The following MAK variants were observed in gnomAD, a reference collection of about 807,000 sequenced individuals.
MAK encodes male germ cell associated kinase, also known as serine/threonine-protein kinase MAK.
MAK carries 65 observed loss-of-function variants against 82.6 expected under a neutral mutation model. That is an observed-to-expected ratio of 0.79 (90% confidence interval 0.64 to 0.97). The LOEUF (loss-of-function observed/expected upper bound fraction) is 0.97, where lower values mean the gene tolerates loss of function less well. Among genes scored for constraint, MAK ranks in the 50% least tolerant of loss-of-function variants. The pLI is 0.00. For missense variants in MAK, 703 were observed against 780.2 expected, an observed-to-expected ratio of 0.90 and a Z score of 1.18; for synonymous variants, 250 against 274.2, an observed-to-expected ratio of 0.91 and a Z score of 0.87.
At chr6:10,787,652 A>C (rs1193033004) in intron 10 of MAK, among the ~76,000 whole-genome samples, 1 of 151,982 alleles carries the variant, frequency 6.6e-6, no homozygotes, top group Non-Finnish European at 1.5e-5. Context: ...AGGTCGGGAG[A>C]TCGAGACCAT....
intron 10 of MAK, among the ~76,000 whole-genome samples, chr6:10,787,190 C>A (rs1410503877): frequency 6.6e-6 from 1 of 152,088 alleles, no homozygotes; most frequent in Non-Finnish European, 1.5e-5. Flanking sequence ...CGCTAATTCA[C>A]CAGTTCACCT....
chr6:10,827,543 T>C (rs1318681284), intron 2 of MAK, among the ~76,000 whole-genome samples: 1 of 152,250 alleles, frequency 6.6e-6, no homozygotes, highest in Non-Finnish European at 1.5e-5. Context: ...TCAAACAATT[T>C]GTACTGATAT....
At position 10,765,742 on chromosome 6, in the gene MAK, T is replaced by C. The variant is rs558649567; in HGVS notation, c.1793-1136A>G. Among the ~76,000 whole-genome samples the C allele has an allele frequency of 2.0e-4, 30 of 152,078 alleles. No individual in the cohort carries two copies. In the South Asian group the frequency reaches 6.0e-3, roughly 31 times the overall value. On this transcript the variant is annotated intron_variant, in intron 14 of 14. Coordinates refer to ENST00000354489, the MANE Select transcript of MAK (RefSeq NM_001242957.3). Reference sequence around the variant, plus strand: ...TGCCAATGATCCACCCACCTCAGCCTCCCAAAGTGCTAGGATTACAGGTGT... The same window carrying C: ...TGCCAATGATCCACCCACCTCAGCCCCCCAAAGTGCTAGGATTACAGGTGT...
chr6:10,785,734 TAGAC>T (rs1346837224), intron 10 of MAK, among the ~76,000 whole-genome samples: 1 of 152,214 alleles, frequency 6.6e-6, no homozygotes, highest in African/African-American at 2.4e-5. Context: ...TCTCTGCCCA[TAGAC>T]AGAACTCCCA....
intron 4 of MAK, among the ~76,000 whole-genome samples, chr6:10,815,921 T>C (rs1269357009): frequency 2.3e-4 from 7 of 30,706 alleles, no homozygotes; most frequent in South Asian, 1.2e-3. Flanking sequence ...AGTATATATA[T>C]ATATATATAT....
intron 8 of MAK, 44 bp from the exon 9 acceptor site, chr6:10,796,353 C>A: frequency 2.0e-6 from 3 of 1,489,528 alleles, no homozygotes; most frequent in Non-Finnish European, 1.9e-6. Flanking sequence ...ACAGTTCCAC[C>A]TAAATGTATT....
At chr6:10,780,864 T>C (rs150682708) in intron 11 of MAK, among the ~76,000 whole-genome samples, 1 of 152,336 alleles carries the variant, frequency 6.6e-6, no homozygotes, top group Non-Finnish European at 1.5e-5. Context: ...TAAAACTCTC[T>C]CAGAATTTCT....
intron 8 of MAK, among the ~76,000 whole-genome samples, chr6:10,801,376 T>G (rs548504344): frequency 3.3e-5 from 5 of 152,352 alleles, no homozygotes; most frequent in South Asian, 4.1e-4. Context: ...TCTGTAGATA[T>G]GTCAGGTGTA....
In MAK at chr6:10,798,307, G is replaced by T. The variant is rs555405312; in HGVS notation, c.832-1998C>A. ...TTTTTGTATTTTTAATAGAGACAGG[G>T]TTTCACCATGTTGGTCAGGCCGGTC... On this transcript the variant is annotated intron_variant, in intron 8 of 14. Transcript: ENST00000354489. 4.6e-5 allele frequency among the ~76,000 whole-genome samples: 7 copies of T among 151,918 alleles called. No homozygotes were observed. In the South Asian group the frequency reaches 1.5e-3, roughly 32 times the overall value.
At chr6:10,820,259 A>G (rs1777837310) in intron 2 of MAK, among the ~76,000 whole-genome samples, 1 of 152,232 alleles carries the variant, frequency 6.6e-6, no homozygotes, top group South Asian at 2.1e-4. Context: ...GAGATGTTCC[A>G]GAAGATCCTT....
chr6:10,784,654 T>TGCACATCTCGCCCACCCTCA, intron 10 of MAK, 82 bp from the exon 11 acceptor site: 1 of 1,259,820 alleles, frequency 7.9e-7, no homozygotes, highest in Non-Finnish European at 1.2e-6. Flanking sequence ...GCCCACCCTC[T>TGCACATCTCGCCCACCCTCA]GCACATCTTC....
rs1391843172 is a variant in MAK at position 10,776,230 on chromosome 6, T to G, written c.1466-771A>C. On this transcript the variant is annotated intron_variant, in intron 11 of 14. Coordinates refer to ENST00000354489, the MANE Select transcript of MAK (RefSeq NM_001242957.3). This position sits in a 1 kb window ranked among gnomAD's most constrained non-coding sequence, Gnocchi z 4.3. ...ATGAAGCTCCACCTGAAACGCTTATTTGTATATGAGATACAGTAAAATGGA... is the reference window on the plus strand; with the variant it reads ...ATGAAGCTCCACCTGAAACGCTTATGTGTATATGAGATACAGTAAAATGGA... Among the ~76,000 whole-genome samples, 1 of 152,202 alleles carries G rather than the reference T, an allele frequency of 6.6e-6. No homozygotes were observed. The highest frequency in any genetic ancestry group is 1.9e-4 in the East Asian group (1 of 5,200).
intron 2 of MAK, among the ~76,000 whole-genome samples, chr6:10,826,244 A>ACC (rs1441627215): frequency 1.3e-5 from 1 of 78,280 alleles, no homozygotes; most frequent in African/African-American, 4.8e-5. Context: ...ATTTCCCCCC[A>ACC]CCCCCCCTTT....
chr6:10,813,006 C>T (rs7760419), intron 5 of MAK, among the ~76,000 whole-genome samples: 21,791 of 122,540 alleles, frequency 0.18, 1,768 homozygotes, highest in Middle Eastern at 0.23. Context: ...CTAAGGTGAT[C>T]CCCCCCCCCG....
intron 2 of MAK, among the ~76,000 whole-genome samples, chr6:10,819,359 C>T (rs1777749439): frequency 1.3e-5 from 2 of 152,144 alleles, no homozygotes; most frequent in South Asian, 4.1e-4. Flanking sequence ...TGGCCGGGAA[C>T]GGTGGCTCAC....
rs1772103134 is a variant in MAK, at chr6:10,763,197, GC to G, written c.*1254del. The G allele has an allele frequency of 6.6e-6, 1 of 152,648 alleles. No homozygotes were observed. The highest frequency in any genetic ancestry group is 1.5e-5 in the Non-Finnish European group (1 of 68,042). The allele number at this position is 152,648 out of a possible 1,614,324, so 9.5% of individuals were successfully genotyped here. On this transcript the variant is annotated 3_prime_UTR_variant, in exon 15 of 15. Coordinates refer to ENST00000354489, the MANE Select transcript of MAK (RefSeq NM_001242957.3). ...ACTGCCCCAGCAGCTGAACGCACTT[GC>G]TTCAGAGCAAATGTGAAGGTCAGAG...
intron 7 of MAK, 196 bp from the exon 8 acceptor site, chr6:10,802,255 T>C (rs1776073673): frequency 1.8e-6 from 1 of 552,590 alleles, no homozygotes; most frequent in East Asian, 3.0e-5. Flanking sequence ...AACATTAAGC[T>C]GAGAGTTAGG....
intron 2 of MAK, 131 bp from the exon 3 acceptor site, chr6:10,819,071 A>C (rs529493064): frequency 1.5e-6 from 1 of 679,532 alleles, no homozygotes; most frequent in Non-Finnish European, 2.7e-6. Context: ...CATCCTTATA[A>C]GGAAATCACC....
At chr6:10,808,639 TC>T (rs1294953703) in intron 6 of MAK, among the ~76,000 whole-genome samples, 170 bp downstream of exon 6, 1 of 152,218 alleles carries the variant, frequency 6.6e-6, no homozygotes, top group East Asian at 1.9e-4. Flanking sequence ...CCTTTTTTTT[TC>T]AGTGATCAGA....
Sources: allele counts gnomAD v4.1 joint callset (sites outside exome capture counted in the v4.1 genomes callset), GRCh38; gene constraint gnomAD v4.1.1; non-coding constraint Gnocchi (gnomAD v3.1); transcripts MANE v1.5; gene names NCBI Gene and HGNC (gene_info 2026-07-23, HGNC 2026-07-21).